Variants in RFX3 observed in about 807,000 individuals in gnomAD.
The protein encoded by RFX3 is transcription factor RFX3.
A neutral mutation model predicts 98.6 loss-of-function variants in RFX3; 14 were observed. The ratio of observed to expected loss-of-function variants is 0.14; its 90% CI spans 0.09 to 0.22. RFX3 has a LOEUF of 0.22. RFX3 is among the 10% of genes least tolerant of loss of function. The pLI is 1.00. For missense variants in RFX3, 639 were observed against 926.9 expected (o/e 0.69, Z 4.03); for synonymous variants, 383 against 328.4 (o/e 1.17, Z -1.80).
chr9:3,516,696 A>G (rs1818206440), intron 1 of RFX3, among the ~76,000 whole-genome samples: 1 of 152,216 alleles, frequency 6.6e-6, no homozygotes, highest in Non-Finnish European at 1.5e-5. Context: ...TTCTGATCAG[A>G]GAGCACACAT....
intron 15 of RFX3, chr9:3,247,122 TCA>T (rs910554814): frequency 2.0e-6 from 2 of 985,300 alleles, no homozygotes; most frequent in African/African-American, 3.5e-5. Context: ...GGGTAATTTG[TCA>T]CATTTAATAA....
intron 3 of RFX3, among the ~76,000 whole-genome samples, chr9:3,336,733 T>G (rs956052433): frequency 1.9e-4 from 29 of 152,156 alleles, no homozygotes; most frequent in Non-Finnish European, 4.4e-5. Flanking sequence ...GTAAACAATT[T>G]TCTTAACTGC....
intron 1 of RFX3, among the ~76,000 whole-genome samples, chr9:3,501,269 A>G (rs1030585980): frequency 6.6e-6 from 1 of 152,206 alleles, no homozygotes; most frequent in African/African-American, 2.4e-5. Flanking sequence ...GTTGCCAAAT[A>G]GAACAGATTT....
At chr9:3,490,978 A>G (rs1467560883) in intron 1 of RFX3, among the ~76,000 whole-genome samples, 2 of 152,104 alleles carry the variant, frequency 1.3e-5, no homozygotes, top group African/African-American at 2.4e-5. Flanking sequence ...TTGGCCCATG[A>G]TATCAGAGAT....
chr9:3,424,518 C>T (rs978194776), intron 1 of RFX3, among the ~76,000 whole-genome samples: 6 of 151,394 alleles, frequency 4.0e-5, no homozygotes, highest in South Asian at 2.1e-4. Context: ...CCCGCCACCG[C>T]GCCCGGATAA....
At chr9:3,383,852 T>C (rs1242530915) in intron 2 of RFX3, among the ~76,000 whole-genome samples, 1 of 152,180 alleles carries the variant, frequency 6.6e-6, no homozygotes, top group Non-Finnish European at 1.5e-5. Flanking sequence ...TGTAAAACTT[T>C]CAACACACAT....
intron 1 of RFX3, among the ~76,000 whole-genome samples, chr9:3,435,587 T>G (rs116062481): frequency 0.011 from 1,626 of 151,182 alleles, 26 homozygotes; most frequent in African/African-American, 0.037. Context: ...GACTGCATTT[T>G]ATTTATTTAT....
chr9:3,433,044 C>G (rs991422400), intron 1 of RFX3, among the ~76,000 whole-genome samples: 1 of 152,134 alleles, frequency 6.6e-6, no homozygotes, highest in Admixed American at 6.6e-5. Flanking sequence ...ACTGAATACT[C>G]AAGTCCTGAA....
chr9:3,508,661 G>A (rs1376146554), intron 1 of RFX3, among the ~76,000 whole-genome samples: 1 of 151,876 alleles, frequency 6.6e-6, no homozygotes, highest in African/African-American at 2.4e-5. Context: ...AGTTTTACAA[G>A]AAGGTTTATC....
chr9:3,362,560 A>G (rs1173698941), intron 2 of RFX3, among the ~76,000 whole-genome samples: 1 of 152,238 alleles, frequency 6.6e-6, no homozygotes, highest in Non-Finnish European at 1.5e-5. Flanking sequence ...GCAGTTAAAC[A>G]TGAAACTTAT....
intron 7 of RFX3, among the ~76,000 whole-genome samples, chr9:3,279,371 C>T (rs1398924970): frequency 6.6e-6 from 1 of 151,716 alleles, no homozygotes; most frequent in Non-Finnish European, 1.5e-5. Context: ...TTGGGATTCA[C>T]AGAGCTTGAA....
At chr9:3,347,324 A>AG (rs1834557459) in intron 2 of RFX3, among the ~76,000 whole-genome samples, 2 of 152,170 alleles carry the variant, frequency 1.3e-5, no homozygotes, top group South Asian at 4.1e-4. Flanking sequence ...CTGTCTCAAA[A>AG]AAAAAAAAGA....
chr9:3,408,035 G>A (rs1457697485), intron 1 of RFX3, among the ~76,000 whole-genome samples: 3 of 152,134 alleles, frequency 2.0e-5, no homozygotes, highest in Non-Finnish European at 4.4e-5. Context: ...TTCTAAAGGA[G>A]TAGGAATGAC....
chr9:3,515,716 T>C (rs1010591034), intron 1 of RFX3, among the ~76,000 whole-genome samples: 1 of 152,198 alleles, frequency 6.6e-6, no homozygotes, highest in Non-Finnish European at 1.5e-5. Context: ...AAGTAAACTA[T>C]GCTGACTGAG....
At chr9:3,317,663 C>T (rs1441754702) in intron 4 of RFX3, among the ~76,000 whole-genome samples, 2 of 152,212 alleles carry the variant, frequency 1.3e-5, no homozygotes, top group African/African-American at 2.4e-5. Context: ...GAACTTAAAA[C>T]AAATTTACAA....
At chr9:3,507,677 T>G (rs944026775) in intron 1 of RFX3, among the ~76,000 whole-genome samples, 2 of 151,994 alleles carry the variant, frequency 1.3e-5, no homozygotes, top group African/African-American at 4.8e-5. Context: ...ATAGTATTTG[T>G]GTATAGCCTG....
chr9:3,491,338 C>A (rs1006548133), intron 1 of RFX3, among the ~76,000 whole-genome samples: 7 of 152,026 alleles, frequency 4.6e-5, no homozygotes, highest in Non-Finnish European at 1.0e-4. Context: ...CTTGGATTCT[C>A]GAAAAGAATT....
chr9:3,273,204 T>G (rs1273210740), intron 9 of RFX3, among the ~76,000 whole-genome samples: 2 of 152,176 alleles, frequency 1.3e-5, no homozygotes, highest in Non-Finnish European at 2.9e-5. Flanking sequence ...CAGCTGTATT[T>G]CAAAAGTTTT....
intron 16 of RFX3, among the ~76,000 whole-genome samples, chr9:3,226,809 C>T (rs112271939): frequency 6.6e-6 from 1 of 152,132 alleles, no homozygotes; most frequent in Admixed American, 6.5e-5. Context: ...ACAACAATGT[C>T]TGTAAGGATC....
Sources: gnomAD v4.1 joint callset for allele counts (sites outside exome capture counted in the v4.1 genomes callset) on GRCh38, gnomAD v4.1.1 for gene constraint, MANE v1.5 for transcripts, NCBI Gene and HGNC (gene_info 2026-07-23, HGNC 2026-07-21) for gene names.